NPLOC4: variants seen among roughly 807,000 people sequenced by gnomAD.
NPLOC4 encodes the protein nuclear protein localization protein 4 homolog.
In NPLOC4, 18 loss-of-function variants were observed where a neutral mutation model predicts 80.6. The observed-to-expected ratio is 0.22, with a 90% confidence interval of 0.15 to 0.33. The LOEUF (loss-of-function observed/expected upper bound fraction) is 0.33. NPLOC4 is among the 10% of genes least tolerant of loss of function. The pLI, the probability that NPLOC4 is intolerant of heterozygous loss-of-function variation, is 1.00. For synonymous variants in NPLOC4, 313 were observed against 301.5 expected, an observed-to-expected ratio of 1.04 and a Z score of -0.39; for missense variants, 540 against 786.1, an observed-to-expected ratio of 0.69 and a Z score of 3.74.
intron 2 of NPLOC4, among the ~76,000 whole-genome samples, chr17:81,622,520 A>ATGTC (rs982858895): frequency 2.0e-5 from 3 of 152,238 alleles, no homozygotes; most frequent in African/African-American, 4.8e-5. Flanking sequence ...TTTGTAAAAC[A>ATGTC]TTTAAGACTT....
In NPLOC4 at chr17:81,577,861, G is replaced by A. The variant is rs140306891; in HGVS notation, c.1282-5773C>T. On this transcript the variant is annotated intron_variant, in intron 12 of 16. Transcript: ENST00000331134. This position sits in a 1 kb window ranked among gnomAD's most constrained non-coding sequence, Gnocchi z 4.3. ...CACCATCCTTGTCCCCAAGGCCACA[G>A]GGAACTGACATGTGGCCTGGATTGC... Among the ~76,000 whole-genome samples, 403 of 152,316 alleles carry A rather than the reference G, an allele frequency of 2.6e-3. No individual in the cohort carries two copies. Among genetic ancestry groups the A allele is most frequent in the Non-Finnish European group, 3.0e-3 (202 of 68,026 alleles).
At chr17:81,579,830 G>A (rs571327903) in intron 12 of NPLOC4, among the ~76,000 whole-genome samples, 7 of 152,138 alleles carry the variant, frequency 4.6e-5, no homozygotes, top group African/African-American at 1.4e-4. Context: ...CCCTGGCAGT[G>A]AAACCCCCCG....
At chr17:81,627,808 C>A (rs2035833691) in intron 2 of NPLOC4, among the ~76,000 whole-genome samples, 1 of 151,500 alleles carries the variant, frequency 6.6e-6, no homozygotes, top group Admixed American at 6.6e-5. Context: ...TTGTGGTGCA[C>A]ACCTGTAATC....
At chr17:81,583,599 C>A (rs929961455) in intron 12 of NPLOC4, among the ~76,000 whole-genome samples, 3 of 152,196 alleles carry the variant, frequency 2.0e-5, no homozygotes, top group Non-Finnish European at 4.4e-5. Flanking sequence ...CCTCACAGGA[C>A]TATGTGTACA....
intron 12 of NPLOC4, among the ~76,000 whole-genome samples, chr17:81,575,659 G>A (rs957208135): frequency 6.6e-6 from 1 of 152,130 alleles, no homozygotes; most frequent in African/African-American, 2.4e-5. Context: ...CACTACGTGC[G>A]CAGGCTCCCC....
At position 81,558,752 on chromosome 17, in the gene NPLOC4, C is replaced by T. The variant is rs889336609; in HGVS notation, c.*507G>A. On this transcript the variant is annotated 3_prime_UTR_variant, in exon 17 of 17. Coordinates refer to ENST00000331134, the MANE Select transcript of NPLOC4 (RefSeq NM_017921.4). ...GCCGTGTCCAGGGCCACTGCGTCCC[C>T]ACCAGACAACAGCTACTAGAAGAGG... is the stretch of plus-strand genomic sequence containing the variant. 2 of 152,954 alleles carry T rather than the reference C, an allele frequency of 1.3e-5. No homozygotes were observed. The highest frequency in any genetic ancestry group is 2.4e-5 in the African/African-American group (1 of 41,460). The allele number at this position is 152,954 out of a possible 1,614,324, so 9.5% of individuals were successfully genotyped here.
Position 81,557,983 on chromosome 17 carries a change from G to A in NPLOC4, c.*1276C>T, listed in dbSNP as rs929082198. 2 of 152,494 alleles carry A rather than the reference G, an allele frequency of 1.3e-5. No homozygotes were observed. The highest frequency in any genetic ancestry group is 4.8e-5 in the African/African-American group (2 of 41,456). 9.4% of individuals were successfully genotyped at this position (152,494 alleles called of 1,614,324 possible). On this transcript the variant is annotated 3_prime_UTR_variant, in exon 17 of 17. Coordinates refer to ENST00000331134, the MANE Select transcript of NPLOC4 (RefSeq NM_017921.4). ...CCAGGATGGACACAGAAGTCCCTAAGCAGTCTGCAGCTGGGCCAGCCTCTC... is the reference window on the plus strand; with the variant it reads ...CCAGGATGGACACAGAAGTCCCTAAACAGTCTGCAGCTGGGCCAGCCTCTC...
chr17:81,597,205 A>G (rs2034931847), intron 10 of NPLOC4, 40 bp downstream of exon 10: 1 of 1,538,522 alleles, frequency 6.5e-7, no homozygotes, highest in East Asian at 2.2e-5. Flanking sequence ...ATCTGTAACC[A>G]AGCCATAGGG....
At chr17:81,616,046 T>C (rs2039294963) in intron 3 of NPLOC4, among the ~76,000 whole-genome samples, 1 of 151,794 alleles carries the variant, frequency 6.6e-6, no homozygotes, top group Non-Finnish European at 1.5e-5. Context: ...GGGCCGGGCG[T>C]GGTGGCTCAC....
At chr17:81,609,015 T>C (rs2035276674) in intron 5 of NPLOC4, 193 bp from the exon 6 acceptor site, 1 of 478,162 alleles carries the variant, frequency 2.1e-6, no homozygotes, top group Non-Finnish European at 3.7e-6. Context: ...TTAATTGTTT[T>C]TTGTTTGTTT....
At position 81,567,317 on chromosome 17, in the gene NPLOC4, C is replaced by T. The variant is rs537618217; in HGVS notation, c.1566+100G>A. On this transcript the variant is annotated intron_variant, in intron 15 of 16. Transcript: ENST00000331134. This position sits in a 1 kb window ranked among gnomAD's most constrained non-coding sequence, Gnocchi z 4.5. ...TGACCCCGAGCTTTGACCCAGTTTC[C>T]CAATCATGCTCTGGTCTGGGAGGAA... is the stretch of plus-strand genomic sequence containing the variant. 19 of 730,200 alleles carry T rather than the reference C, an allele frequency of 2.6e-5. No individual in the cohort carries two copies. The highest frequency in any genetic ancestry group is 4.7e-5 in the Admixed American group (2 of 42,818). The allele number at this position is 730,200 out of a possible 1,614,324, so 45.2% of individuals were successfully genotyped here.
In NPLOC4 at chr17:81,572,995, T is replaced by G. The variant is rs967687092; in HGVS notation, c.1282-907A>C. Among the ~76,000 whole-genome samples, 4 of 152,102 alleles carry G rather than the reference T, an allele frequency of 2.6e-5. No homozygotes were observed. The highest frequency in any genetic ancestry group is 9.7e-5 in the African/African-American group (4 of 41,412). ...AGATGCACAGAACATAAAGTTTAAT[T>G]ATGGGGAAAAACGGCCAGCATATGT... On this transcript the variant is annotated intron_variant, in intron 12 of 16. Coordinates refer to ENST00000331134, the MANE Select transcript of NPLOC4 (RefSeq NM_017921.4). This position sits in a 1 kb window ranked among gnomAD's most constrained non-coding sequence, Gnocchi z 4.5.
intron 8 of NPLOC4, among the ~76,000 whole-genome samples, chr17:81,601,983 G>A (rs563947767): frequency 5.9e-5 from 9 of 152,112 alleles, no homozygotes; most frequent in Admixed American, 1.3e-4. Flanking sequence ...CTAGCCATCC[G>A]GTGATCTCCA....
rs189166164 is a variant in NPLOC4 at position 81,597,102 on chromosome 17, G to A, written c.993+143C>T. 6.6e-6 allele frequency: 4 copies of A among 604,244 alleles called. No homozygotes were observed. The East Asian group carries it at 9.0e-5, about 14-fold the overall frequency. The allele number at this position is 604,244 out of a possible 1,614,324, so 37.4% of individuals were successfully genotyped here. ...CACTCCAGCCTGGGCAAAAGAGCAA[G>A]ACTCCGTCTCAAAAAATACAAATAA... On this transcript the variant is annotated intron_variant, in intron 10 of 16. Coordinates refer to ENST00000331134, the MANE Select transcript of NPLOC4 (RefSeq NM_017921.4).
At chr17:81,609,011 GT>G (rs1468583045) in intron 5 of NPLOC4, 189 bp from the exon 6 acceptor site, 6 of 494,040 alleles carry the variant, frequency 1.2e-5, no homozygotes, top group African/African-American at 3.9e-5. Flanking sequence ...TTAATTAATT[GT>G]TTTTTGTTTG....
chr17:81,602,950 CATAT>C (rs1034304919), intron 8 of NPLOC4, among the ~76,000 whole-genome samples: 18 of 146,870 alleles, frequency 1.2e-4, no homozygotes, highest in Middle Eastern at 6.9e-3. Flanking sequence ...TATACACACA[CATAT>C]ATATACACAC....
chr17:81,628,984 T>C (rs1445760758), intron 2 of NPLOC4, among the ~76,000 whole-genome samples: 1 of 151,442 alleles, frequency 6.6e-6, no homozygotes, highest in African/African-American at 2.4e-5. Context: ...GTTCACATCA[T>C]TCTCCTGCCT....
intron 4 of NPLOC4, 60 bp from the exon 5 acceptor site, chr17:81,610,318 G>T: frequency 6.8e-7 from 1 of 1,476,278 alleles, no homozygotes; most frequent in Non-Finnish European, 9.3e-7. Context: ...TTCCGCTGCT[G>T]CTGTCTCACA....
chr17:81,616,587 G>A (rs966157968), intron 3 of NPLOC4, among the ~76,000 whole-genome samples: 76 of 151,652 alleles, frequency 5.0e-4, no homozygotes, highest in African/African-American at 1.6e-3. Flanking sequence ...AAAATTAGCC[G>A]GGCATGGTGG....
Sources: allele counts gnomAD v4.1 joint callset (sites outside exome capture counted in the v4.1 genomes callset), GRCh38; gene constraint gnomAD v4.1.1; non-coding constraint Gnocchi (gnomAD v3.1); transcripts MANE v1.5; gene names NCBI Gene and HGNC (gene_info 2026-07-23, HGNC 2026-07-21).